PARD3: variants seen among roughly 807,000 people sequenced by gnomAD.
The protein encoded by PARD3 is par-3 family cell polarity regulator.
Under a neutral mutation model 155.4 loss-of-function variants are expected in PARD3, and 75 were observed. That is an observed-to-expected ratio of 0.48 (90% confidence interval 0.40 to 0.58). PARD3 has a LOEUF of 0.58. PARD3 is among the 20% of genes least tolerant of loss of function. The pLI is 0.00. For missense variants in PARD3, 1,642 were observed against 1,721.7 expected (o/e 0.95, Z 0.82); for synonymous variants, 576 against 610.5 (o/e 0.94, Z 0.83).
At chr10:34,213,042 A>G (rs529837337) in intron 22 of PARD3, among the ~76,000 whole-genome samples, 5 of 152,254 alleles carry the variant, frequency 3.3e-5, no homozygotes, top group African/African-American at 1.2e-4. Flanking sequence ...GTGTTTTATC[A>G]CATTATCTTA....
At chr10:34,655,252 G>A (rs960304455) in intron 2 of PARD3, among the ~76,000 whole-genome samples, 5 of 152,050 alleles carry the variant, frequency 3.3e-5, no homozygotes, top group African/African-American at 4.8e-5. Context: ...CGAATTGTAT[G>A]CAACATAAAG....
intron 22 of PARD3, among the ~76,000 whole-genome samples, chr10:34,149,667 T>C (rs1948688453): frequency 6.6e-6 from 1 of 152,148 alleles, no homozygotes; most frequent in African/African-American, 2.4e-5. Context: ...CATAAGAAAA[T>C]TCATGAATCT....
chr10:34,234,043 T>C (rs1953081586), intron 22 of PARD3, among the ~76,000 whole-genome samples: 1 of 152,280 alleles, frequency 6.6e-6, no homozygotes, highest in Admixed American at 6.5e-5. Flanking sequence ...ATTTCTGATA[T>C]AACTACTGAT....
At chr10:34,464,590 T>G (rs924634748) in intron 4 of PARD3, among the ~76,000 whole-genome samples, 2 of 152,148 alleles carry the variant, frequency 1.3e-5, no homozygotes, top group Non-Finnish European at 2.9e-5. Flanking sequence ...TAAAGGTTAC[T>G]TATAAAAGCA....
Position 34,283,736 on chromosome 10 carries a change from C to T in PARD3, c.3176+399G>A, listed in dbSNP as rs910495278. ...ATATTTAAAATGTGATATAAAACTT[C>T]GGAGTTTTATTTTCAGAAGAGTATT... On this transcript the variant is annotated intron_variant, in intron 21 of 24. Coordinates refer to ENST00000374788, the MANE Select transcript of PARD3 (RefSeq NM_001184785.2). Among the ~76,000 whole-genome samples, 7 of 151,976 alleles carry T rather than the reference C, an allele frequency of 4.6e-5. No individual in the cohort carries two copies. The South Asian group carries it at 6.2e-4, about 14-fold the overall frequency.
intron 1 of PARD3, among the ~76,000 whole-genome samples, chr10:34,718,401 T>G (rs1160918276): frequency 6.6e-6 from 1 of 152,170 alleles, no homozygotes; most frequent in Admixed American, 6.5e-5. Flanking sequence ...GGCTCACACC[T>G]GTAATCCCAG....
intron 1 of PARD3, among the ~76,000 whole-genome samples, chr10:34,769,427 C>A (rs1251026927): frequency 5.9e-5 from 9 of 152,128 alleles, no homozygotes; most frequent in Admixed American, 5.9e-4. Flanking sequence ...TGAATTCAGC[C>A]CACCTCCTCC....
rs1019324142 is a variant in PARD3, at chr10:34,367,633, G to A, written c.1707+4865C>T. On this transcript the variant is annotated intron_variant, in intron 12 of 24. Transcript: ENST00000374788. ...GCAGGAGAATTGCTTGAGCCTGGGC[G>A]AGAAGGTTGCAGTGAGCCGAGATCG... 7.2e-5 allele frequency among the ~76,000 whole-genome samples: 11 copies of A among 152,170 alleles called. No homozygotes were observed. The East Asian group carries it at 9.6e-4, about 13-fold the overall frequency.
intron 22 of PARD3, among the ~76,000 whole-genome samples, chr10:34,180,094 C>T (rs1329388572): frequency 1.3e-5 from 2 of 152,072 alleles, no homozygotes; most frequent in African/African-American, 4.8e-5. Context: ...GTCGCCCAGG[C>T]TGGAGTGCAG....
At chr10:34,326,773 G>A (rs1835075380) in intron 19 of PARD3, among the ~76,000 whole-genome samples, 2 of 152,138 alleles carry the variant, frequency 1.3e-5, no homozygotes, top group Admixed American at 6.5e-5. Context: ...TAAATTATGT[G>A]TATTCTGGAG....
intron 2 of PARD3, among the ~76,000 whole-genome samples, chr10:34,529,435 T>C (rs1267147869): frequency 6.6e-6 from 1 of 152,200 alleles, no homozygotes; most frequent in African/African-American, 2.4e-5. Context: ...AGGAGGCCCA[T>C]GAGCTCTTTC....
chr10:34,274,914 C>A (rs1185654156), intron 21 of PARD3, among the ~76,000 whole-genome samples: 1 of 152,174 alleles, frequency 6.6e-6, no homozygotes, highest in African/African-American at 2.4e-5. Context: ...ACTTCTTGCA[C>A]ATCAGTTTCA....
chr10:34,637,243 T>C (rs957144170), intron 2 of PARD3, among the ~76,000 whole-genome samples: 1 of 152,220 alleles, frequency 6.6e-6, no homozygotes, highest in Non-Finnish European at 1.5e-5. Context: ...GCAAGTATTT[T>C]CCATTCTTTT....
At chr10:34,127,473 C>T (rs1480471753) in intron 23 of PARD3, among the ~76,000 whole-genome samples, 1 of 152,166 alleles carries the variant, frequency 6.6e-6, no homozygotes, top group African/African-American at 2.4e-5. Flanking sequence ...CCAAGTATTC[C>T]TTTATTTTTT....
intron 20 of PARD3, among the ~76,000 whole-genome samples, chr10:34,306,090 T>TG (rs1374017882): frequency 6.6e-6 from 1 of 151,314 alleles, no homozygotes. Flanking sequence ...GGTCCAGAGT[T>TG]GGAGACCAGC....
At chr10:34,566,836 C>A (rs1011142860) in intron 2 of PARD3, among the ~76,000 whole-genome samples, 3 of 152,006 alleles carry the variant, frequency 2.0e-5, no homozygotes, top group African/African-American at 7.2e-5. Context: ...GCTGTTGAAG[C>A]CAATATTGCT....
At chr10:34,711,191 A>G (rs1305214511) in intron 1 of PARD3, among the ~76,000 whole-genome samples, 2 of 151,512 alleles carry the variant, frequency 1.3e-5, no homozygotes, top group African/African-American at 4.9e-5. Context: ...GTAAAAACAA[A>G]AACTCCCCCT....
intron 12 of PARD3, among the ~76,000 whole-genome samples, chr10:34,362,305 A>AAAAAT (rs1407492029): frequency 1.2e-3 from 187 of 152,260 alleles, no homozygotes; most frequent in African/African-American, 4.4e-3. Flanking sequence ...TCCCATAACA[A>AAAAAT]AAAATAAAAT....
intron 2 of PARD3, among the ~76,000 whole-genome samples, chr10:34,689,310 GAAT>G (rs2094007653): frequency 6.6e-6 from 1 of 152,170 alleles, no homozygotes; most frequent in African/African-American, 2.4e-5. Context: ...CCCTCAGTCT[GAAT>G]AATGCGTCCA....
Sources: allele counts gnomAD v4.1 joint callset (sites outside exome capture counted in the v4.1 genomes callset), GRCh38; gene constraint gnomAD v4.1.1; transcripts MANE v1.5; gene names NCBI Gene and HGNC (gene_info 2026-07-23, HGNC 2026-07-21).